The following BTBD2 variants were observed in gnomAD, a reference collection of about 807,000 sequenced individuals.
BTBD2 encodes the protein BTB domain containing 2.
In BTBD2, 15 loss-of-function variants were observed where a neutral mutation model predicts 44.0. The observed-to-expected ratio is 0.34, with a 90% CI of 0.23 to 0.53. BTBD2 has a LOEUF of 0.53. BTBD2 is among the 20% of genes least tolerant of loss of function. The pLI, the probability that BTBD2 is intolerant of heterozygous loss-of-function variation, is 0.95. For missense variants in BTBD2, 657 were observed against 746.4 expected (o/e 0.88, Z 1.39); for synonymous variants, 443 against 335.9 (o/e 1.32, Z -3.49).
Position 1,987,677 on chromosome 19 carries a change from C to T in BTBD2, c.1004G>A (p.Gly335Asp). 1.2e-6 allele frequency: 2 copies of T among 1,603,090 alleles called. No individual in the cohort carries two copies. Among genetic ancestry groups the T allele is most frequent in the East Asian group, 2.2e-5 (1 of 44,754 alleles). The change falls in exon 6 of 9, where the codon GGC becomes GAC. Residue 335 changes from glycine to aspartate, a missense_variant. Gly to Asp is a moderately conservative substitution (Grantham distance 94). This residue lies in a region of BTBD2 where 449 missense variants were observed against 510.9 expected (regional missense o/e 0.88). Transcript: ENST00000255608. ...GACCACCTCGCGGTCCACCAGGATG[C>T]CCGACTGTGCGGGACCTGCAGCACA... ...EEFAAGPAQS[G>D]ILVDREVVSL...
chr19:2,000,680 A>C (rs2016318099), intron 1 of BTBD2, among the ~76,000 whole-genome samples: 1 of 152,056 alleles, frequency 6.6e-6, no homozygotes, highest in South Asian at 2.1e-4. Context: ...CCCTTCATGT[A>C]TCTGTAACCC....
At chr19:1,998,080 T>C (rs200221388) in intron 1 of BTBD2, among the ~76,000 whole-genome samples, 2 of 108,542 alleles carry the variant, frequency 1.8e-5, no homozygotes, top group Non-Finnish European at 2.0e-5. Flanking sequence ...CGCACACTCA[T>C]TCACTCACCC....
At position 1,990,292 on chromosome 19, in the gene BTBD2, A is replaced by G. The variant is rs62129500; in HGVS notation, c.791-91T>C. 5.9e-3 allele frequency: 8,505 copies of G among 1,435,676 alleles called. 33 individuals carry two copies. The highest frequency in any genetic ancestry group is 7.1e-3 in the Non-Finnish European group (7,489 of 1,061,618). 88.9% of individuals were successfully genotyped at this position (1,435,676 alleles called of 1,614,324 possible). On this transcript the variant is annotated intron_variant, in intron 4 of 8. Coordinates refer to ENST00000255608, the MANE Select transcript of BTBD2 (RefSeq NM_017797.4). ...AGACTAACGTGAGGACCAGCAGTTAAAGCCGGGCTGGCAACTATGGCCCGT... is the reference window on the plus strand; with the variant it reads ...AGACTAACGTGAGGACCAGCAGTTAGAGCCGGGCTGGCAACTATGGCCCGT...
intron 3 of BTBD2, chr19:1,991,112 G>A: frequency 9.1e-6 from 3 of 328,698 alleles, no homozygotes; most frequent in South Asian, 3.1e-5. Context: ...TGCTGCTTTA[G>A]GCAAAAGGGG....
intron 3 of BTBD2, 173 bp from the exon 4 acceptor site, chr19:1,990,995 C>T: frequency 1.7e-6 from 1 of 600,240 alleles, no homozygotes. Context: ...GGCCCAGAGA[C>T]TCCCCTGTGA....
intron 5 of BTBD2, among the ~76,000 whole-genome samples, chr19:1,988,973 C>T (rs527607248): frequency 1.6e-3 from 236 of 152,208 alleles, no homozygotes; most frequent in African/African-American, 5.2e-3. Context: ...AGTGCAGTGG[C>T]GCGATCTCGG....
chr19:1,991,018 G>A (rs373290094), intron 3 of BTBD2, 196 bp from the exon 4 acceptor site: 5 of 562,994 alleles, frequency 8.9e-6, no homozygotes, highest in African/African-American at 7.6e-5. Flanking sequence ...GCTGACTGGG[G>A]CGGGAGAGTT....
rs181298691 is a variant in BTBD2 at position 1,994,924 on chromosome 19, A to T, written c.528-1748T>A. ...TGTGTCTTTGGTGTCATATCCAAGT[A>T]ATCATGGTCAAACCCAATGTCATGA... On this transcript the variant is annotated intron_variant, in intron 2 of 8. Transcript: ENST00000255608. Among the ~76,000 whole-genome samples, 365 of 152,202 alleles carry T rather than the reference A, an allele frequency of 2.4e-3. 3 individuals are homozygous for T. The highest frequency in any genetic ancestry group is 8.6e-3 in the African/African-American group (359 of 41,540).
At chr19:2,002,762 A>C (rs887893027) in intron 1 of BTBD2, 2 of 151,962 alleles carry the variant, frequency 1.3e-5, no homozygotes, top group African/African-American at 4.8e-5. Context: ...CTGTAGTCCC[A>C]GCTACTCGGG....
intron 1 of BTBD2, among the ~76,000 whole-genome samples, chr19:2,010,284 C>T (rs191907192): frequency 1.2e-4 from 19 of 152,368 alleles, no homozygotes; most frequent in Admixed American, 9.2e-4. Context: ...TTAATTCCCA[C>T]AGATCATTCA....
chr19:1,998,977 G>A (rs1303909033), intron 1 of BTBD2, among the ~76,000 whole-genome samples: 1 of 152,034 alleles, frequency 6.6e-6, no homozygotes, highest in Non-Finnish European at 1.5e-5. Context: ...CCCCACGCCC[G>A]GAAAGCTCCG....
rs891054922 is a variant in BTBD2, at chr19:1,986,215, G to C, written c.*273C>G. 1 of 453,318 alleles carries C rather than the reference G, an allele frequency of 2.2e-6. No homozygotes were observed. The highest frequency in any genetic ancestry group is 3.7e-5 in the Admixed American group (1 of 27,010). The allele number at this position is 453,318 out of a possible 1,614,324, so 28.1% of individuals were successfully genotyped here. A position where few individuals can be genotyped will look rare whatever the true frequency, so the allele number is the denominator to read the frequency against. ...TGCGGGTCCGTGGGCCCTGGCCCAGGCCGGCACAGCCCTGTCCCTAGTCCT... is the reference window on the plus strand; with the variant it reads ...TGCGGGTCCGTGGGCCCTGGCCCAGCCCGGCACAGCCCTGTCCCTAGTCCT... On this transcript the variant is annotated 3_prime_UTR_variant, in exon 9 of 9. Transcript: ENST00000255608.
At chr19:2,008,088 T>C (rs2016417445) in intron 1 of BTBD2, among the ~76,000 whole-genome samples, 1 of 151,602 alleles carries the variant, frequency 6.6e-6, no homozygotes, top group African/African-American at 2.4e-5. Context: ...CACTGCAACC[T>C]CCACCTCCCA....
rs917775910 is a variant in BTBD2, at chr19:1,987,612, C to G, written c.1069G>C (p.Val357Leu). The change falls in exon 6 of 9, where the codon GTG (valine) becomes CTG (leucine). Residue 357 changes from valine (V) to leucine (L), a missense_variant. By Grantham distance (32) the Val-to-Leu change is conservative. Around this residue, in one of 3 missense-constraint regions of BTBD2, gnomAD observed 449 missense variants for 510.9 expected, o/e 0.88. Transcript: ENST00000255608. Reference sequence around the variant, plus strand: ...CAGCGGGGCCGGTCAATGAACTCCACTCGTGGCTTGGGGTTGACGGTGAAG... The same window carrying G: ...CAGCGGGGCCGGTCAATGAACTCCAGTCGTGGCTTGGGGTTGACGGTGAAG... ...LHFTVNPKPR[V>L]EFIDRPRCCL... The G allele has an allele frequency of 6.2e-7, 1 of 1,612,864 alleles. No individual in the cohort carries two copies. Among genetic ancestry groups the G allele is most frequent in the Non-Finnish European group, 8.5e-7 (1 of 1,179,768 alleles).
rs181655392 is a variant in BTBD2, at chr19:1,985,978, C to T, written c.*510G>A. ...CCCGCAGGCTGGGCTTGGGTGGCCTCGGGCACGTGACAGGTGGGGCCCGTG... is the reference window on the plus strand; with the variant it reads ...CCCGCAGGCTGGGCTTGGGTGGCCTTGGGCACGTGACAGGTGGGGCCCGTG... On this transcript the variant is annotated 3_prime_UTR_variant, in exon 9 of 9. Coordinates refer to ENST00000255608, the MANE Select transcript of BTBD2 (RefSeq NM_017797.4). 24 of 156,526 alleles carry T rather than the reference C, an allele frequency of 1.5e-4. No individual in the cohort carries two copies. The highest frequency in any genetic ancestry group is 2.9e-4 in the African/African-American group (12 of 41,612). 9.7% of individuals were successfully genotyped at this position (156,526 alleles called of 1,614,324 possible). A position where few individuals can be genotyped will look rare whatever the true frequency, so the allele number is the denominator to read the frequency against.
intron 5 of BTBD2, chr19:1,989,416 C>G (rs112248535): frequency 6.4e-6 from 1 of 156,114 alleles, no homozygotes; most frequent in African/African-American, 2.4e-5. Flanking sequence ...TAAGCAAGAG[C>G]GGGGGCCGCG....
chr19:2,004,176 T>G (rs1302472807), intron 1 of BTBD2, among the ~76,000 whole-genome samples: 1 of 143,324 alleles, frequency 7.0e-6, no homozygotes, highest in East Asian at 2.2e-4. Flanking sequence ...TGATGTCTCA[T>G]GTCCCCTAAC....
chr19:1,993,079 A>T lies in BTBD2; in HGVS notation c.625T>A (p.Cys209Ser). 2 of 1,602,284 alleles carry T rather than the reference A, an allele frequency of 1.2e-6. No homozygotes were observed. Among genetic ancestry groups the T allele is most frequent in the Non-Finnish European group, 1.7e-6 (2 of 1,175,930 alleles). The change falls in exon 3 of 9, where the codon TGC becomes AGC. Residue 209 changes from cysteine to serine, a missense_variant. Physicochemically the swap from Cys to Ser is moderately radical, Grantham distance 112. Transcript: ENST00000255608. Reference sequence around the variant, plus strand: ...AGGTTCTTCTTCAGGAACTCCACGCAATGGGCCTCGAGCGCTGGCACCGCG... The same window carrying T: ...AGGTTCTTCTTCAGGAACTCCACGCTATGGGCCTCGAGCGCTGGCACCGCG... The part of the protein sequence containing the change: ...KYAVPALEAH[C>S]VEFLKKNLRA...
At chr19:1,999,855 A>G (rs994231907) in intron 1 of BTBD2, among the ~76,000 whole-genome samples, 10 of 151,666 alleles carry the variant, frequency 6.6e-5, no homozygotes, top group South Asian at 4.2e-4. Context: ...CCAGCTACTC[A>G]GGAGGCTGAG....
Sources: allele counts gnomAD v4.1 joint callset (sites outside exome capture counted in the v4.1 genomes callset), GRCh38; gene constraint gnomAD v4.1.1; regional missense constraint gnomAD v4.1.1; transcripts MANE v1.5; gene names NCBI Gene and HGNC (gene_info 2026-07-23, HGNC 2026-07-21).